IQCM: variants seen among roughly 807,000 people sequenced by gnomAD.
IQCM encodes IQ domain-containing protein M.
IQCM carries 45 observed loss-of-function variants against 57.6 expected under a neutral mutation model. The ratio of observed to expected loss-of-function variants is 0.78; its 90% CI spans 0.62 to 1.00. IQCM has a LOEUF of 1.00. IQCM is among the 50% of genes least tolerant of loss of function. The probability of loss-of-function intolerance (pLI) is 0.00; values close to 1 mark genes in which losing one functional copy is unlikely to be tolerated. For synonymous variants in IQCM, 148 were observed against 158.9 expected (o/e 0.93, Z 0.51); for missense variants, 468 against 511.6 (o/e 0.91, Z 0.82).
intron 12 of IQCM, among the ~76,000 whole-genome samples, chr4:149,442,639 C>T (rs908924227): frequency 8.6e-5 from 13 of 151,970 alleles, no homozygotes; most frequent in African/African-American, 3.1e-4. Flanking sequence ...TCAATTGTAG[C>T]ATCTTTAACT....
At chr4:149,483,697 T>G (rs1741158515) in intron 12 of IQCM, among the ~76,000 whole-genome samples, 2 of 152,046 alleles carry the variant, frequency 1.3e-5, no homozygotes. Context: ...ACATATGGTC[T>G]CTCCTTGGGA....
At chr4:149,772,085 G>C (rs1770641329) in intron 2 of IQCM, among the ~76,000 whole-genome samples, 1 of 152,022 alleles carries the variant, frequency 6.6e-6, no homozygotes, top group Non-Finnish European at 1.5e-5. Flanking sequence ...CTCAGGAAAT[G>C]TTCATATCTT....
intron 12 of IQCM, among the ~76,000 whole-genome samples, chr4:149,469,612 A>G (rs1432855151): frequency 6.6e-6 from 1 of 152,234 alleles, no homozygotes; most frequent in Non-Finnish European, 1.5e-5. Context: ...AATTTCAGGA[A>G]ACACAGAGAA....
At chr4:149,621,013 A>T in intron 8 of IQCM, 116 bp downstream of exon 8, 1 of 423,776 alleles carries the variant, frequency 2.4e-6, no homozygotes, top group Non-Finnish European at 4.0e-6. Context: ...GTGGAGAACT[A>T]TCTTAGGACT....
chr4:149,425,582 C>T (rs1022363505), intron 13 of IQCM, among the ~76,000 whole-genome samples: 1 of 151,938 alleles, frequency 6.6e-6, no homozygotes, highest in Non-Finnish European at 1.5e-5. Context: ...GCCCTTCCTC[C>T]ACCTTTTTTT....
intron 2 of IQCM, among the ~76,000 whole-genome samples, chr4:149,797,624 G>A (rs921935386): frequency 6.6e-6 from 1 of 151,848 alleles, no homozygotes; most frequent in African/African-American, 2.4e-5. Context: ...CTACTTCAAG[G>A]CATTTAAGAA....
At chr4:149,712,157 A>G (rs1764611490) in intron 5 of IQCM, among the ~76,000 whole-genome samples, 1 of 140,298 alleles carries the variant, frequency 7.1e-6, no homozygotes, top group Non-Finnish European at 1.6e-5. Flanking sequence ...TGGCTCCAGG[A>G]TTCCAGGGTT....
chr4:149,482,340 C>T (rs1166350911), intron 12 of IQCM, among the ~76,000 whole-genome samples: 5 of 151,922 alleles, frequency 3.3e-5, no homozygotes, highest in African/African-American at 7.2e-5. Context: ...TGAAAGTAGG[C>T]ATCCTTGTCA....
chr4:149,533,193 G>A (rs1231604413), intron 12 of IQCM, among the ~76,000 whole-genome samples: 1 of 152,078 alleles, frequency 6.6e-6, no homozygotes, highest in Non-Finnish European at 1.5e-5. Flanking sequence ...TAGAAAATGT[G>A]TCATTTGTTA....
chr4:149,601,866 C>T (rs1462605997), intron 8 of IQCM, among the ~76,000 whole-genome samples: 1 of 151,604 alleles, frequency 6.6e-6, no homozygotes, highest in East Asian at 1.9e-4. Flanking sequence ...CTGGCTAACA[C>T]GGTGAAACCC....
intron 5 of IQCM, among the ~76,000 whole-genome samples, chr4:149,714,181 A>T (rs1052319449): frequency 7.9e-5 from 12 of 151,830 alleles, no homozygotes; most frequent in African/African-American, 2.9e-4. Context: ...TAGATCCAAC[A>T]CTCTCTGCTC....
chr4:149,565,616 A>G (rs1039268968), intron 9 of IQCM, among the ~76,000 whole-genome samples: 1 of 152,160 alleles, frequency 6.6e-6, no homozygotes, highest in Admixed American at 6.6e-5. Flanking sequence ...AGATTAAGAA[A>G]TTTTCATAAG....
intron 13 of IQCM, among the ~76,000 whole-genome samples, chr4:149,400,847 T>C (rs1732570294): frequency 6.6e-6 from 1 of 151,836 alleles, no homozygotes; most frequent in Admixed American, 6.6e-5. Context: ...AGAAATTAGG[T>C]TTATCCACAA....
intron 1 of IQCM, 42 bp downstream of exon 1, chr4:149,815,558 A>T (rs1489905810): frequency 6.6e-6 from 1 of 152,048 alleles, no homozygotes; most frequent in Non-Finnish European, 1.5e-5. Context: ...GAAACAGATA[A>T]TTAATACTAC....
chr4:149,436,999 T>C (rs1735426329), intron 12 of IQCM, among the ~76,000 whole-genome samples: 1 of 152,138 alleles, frequency 6.6e-6, no homozygotes, highest in Non-Finnish European at 1.5e-5. Context: ...GAGGTCAATA[T>C]TATCATACAT....
chr4:149,403,003 G>A (rs1222384814), intron 13 of IQCM, among the ~76,000 whole-genome samples: 1 of 151,762 alleles, frequency 6.6e-6, no homozygotes, highest in African/African-American at 2.4e-5. Context: ...AGATGTACTG[G>A]CTTTATATTT....
intron 13 of IQCM, among the ~76,000 whole-genome samples, chr4:149,374,896 G>T (rs1730599048): frequency 6.6e-6 from 1 of 151,856 alleles, no homozygotes; most frequent in East Asian, 1.9e-4. Context: ...AAATGTAATT[G>T]TCTTCAAGAC....
chr4:149,563,998 TAACTTGTA>T, intron 9 of IQCM, 108 bp from the exon 10 acceptor site: 10 of 517,512 alleles, frequency 1.9e-5, no homozygotes, highest in Non-Finnish European at 2.7e-5. Flanking sequence ...AAATATATTA[TAACTTGTA>T]CATAGAATTC....
intron 12 of IQCM, among the ~76,000 whole-genome samples, chr4:149,461,982 C>T (rs1738345731): frequency 6.6e-5 from 10 of 151,886 alleles, no homozygotes; most frequent in Admixed American, 6.6e-4. Flanking sequence ...GGTTGGGGTC[C>T]CCTATCCTAT....
Sources: allele counts gnomAD v4.1 joint callset (sites outside exome capture counted in the v4.1 genomes callset), GRCh38; gene constraint gnomAD v4.1.1; transcripts MANE v1.5; gene names NCBI Gene and HGNC (gene_info 2026-07-23, HGNC 2026-07-21).